Variants in JARID2 observed in about 807,000 individuals in gnomAD.
JARID2 encodes the protein jumonji and AT-rich interaction domain containing 2.
A neutral mutation model predicts 125.6 loss-of-function variants in JARID2; 21 were observed. The observed-to-expected ratio is 0.17, with a 90% CI of 0.12 to 0.24. The LOEUF is 0.24. Ranked by LOEUF, JARID2 falls within the 10% of genes least tolerant of loss-of-function variation. The pLI, the probability that JARID2 is intolerant of heterozygous loss-of-function variation, is 1.00. For missense variants in JARID2, 1,303 were observed against 1,639.6 expected (o/e 0.79, Z 3.55); for synonymous variants, 736 against 661.6 (o/e 1.11, Z -1.73).
At chr6:15,480,114 T>C (rs190903953) in intron 5 of JARID2, among the ~76,000 whole-genome samples, 18 of 152,332 alleles carry the variant, frequency 1.2e-4, no homozygotes, top group Admixed American at 9.8e-4. Context: ...TTGCGGTGGA[T>C]CTCTTTTCCC....
chr6:15,394,916 A>C (rs986619837), intron 2 of JARID2, among the ~76,000 whole-genome samples: 1 of 147,528 alleles, frequency 6.8e-6, no homozygotes. Flanking sequence ...TGCATGGCCC[A>C]GGAAACCGAC....
At chr6:15,444,162 C>G (rs1469223682) in intron 3 of JARID2, among the ~76,000 whole-genome samples, 4 of 152,150 alleles carry the variant, frequency 2.6e-5, no homozygotes, top group Admixed American at 6.5e-5. Flanking sequence ...CGTAGGATAA[C>G]TCTGCTTACA....
intron 1 of JARID2, among the ~76,000 whole-genome samples, chr6:15,315,808 G>A (rs1356895518): frequency 6.6e-6 from 1 of 152,198 alleles, no homozygotes; most frequent in Admixed American, 6.5e-5. Context: ...GTCCTGTAGT[G>A]TGTGCTAACT....
At chr6:15,440,498 G>C (rs1767400107) in intron 3 of JARID2, among the ~76,000 whole-genome samples, 1 of 152,162 alleles carries the variant, frequency 6.6e-6, no homozygotes, top group Admixed American at 6.5e-5. Context: ...CTGAAATATG[G>C]TACCATGTGC....
chr6:15,491,867 G>T (rs1451110040), intron 6 of JARID2, among the ~76,000 whole-genome samples: 1 of 152,108 alleles, frequency 6.6e-6, no homozygotes, highest in African/African-American at 2.4e-5. Context: ...TTTTTAAGAT[G>T]GAATTTCTGT....
At chr6:15,451,036 G>A (rs765051142) in intron 3 of JARID2, among the ~76,000 whole-genome samples, 5 of 152,160 alleles carry the variant, frequency 3.3e-5, no homozygotes, top group Admixed American at 2.6e-4. Context: ...GGTGGTGCAC[G>A]CCTGTAATCC....
chr6:15,394,198 C>T (rs542112579), intron 2 of JARID2, among the ~76,000 whole-genome samples: 37 of 152,208 alleles, frequency 2.4e-4, no homozygotes, highest in African/African-American at 8.9e-4. Context: ...ATGTTAGGTG[C>T]TTTGTATGTA....
rs745910520 is a variant in JARID2 at position 15,413,002 on chromosome 6, G to GTTTTTTTTTTTTTTTTTTTTT, written c.323+2642_323+2643insTTTTTTTTTTTTTTTTTTTTT. On this transcript the variant is annotated intron_variant, in intron 3 of 17. Transcript: ENST00000341776. ...AACATTATACATGGGAAGAGCTTGT[G>GTTTTTTTTTTTTTTTTTTTTT]TTTTTGTTTTTTTTTTTTTTGTTTT... 3.7e-4 allele frequency among the ~76,000 whole-genome samples: 17 copies of GTTTTTTTTTTTTTTTTTTTTT among 46,526 alleles called. 3 individuals carry two copies. Among genetic ancestry groups the GTTTTTTTTTTTTTTTTTTTTT allele is most frequent in the African/African-American group, 9.3e-4 (10 of 10,744 alleles). The allele number at this position is 46,526 out of a possible 152,430, so 30.5% of individuals were successfully genotyped here. A position where few individuals can be genotyped will look rare whatever the true frequency, so the allele number is the denominator to read the frequency against.
chr6:15,468,699 A>G lies in JARID2; in HGVS notation c.651A>G (p.Lys217=), dbSNP rs1768868008. The G allele has an allele frequency of 6.2e-7, 1 of 1,613,374 alleles. No homozygotes were observed. The highest frequency in any genetic ancestry group is 1.7e-4 in the Middle Eastern group (1 of 6,058). Residue 217 remains lysine, a synonymous_variant, in exon 5 of 18, where the codon AAA becomes AAG. Coordinates refer to ENST00000341776, the MANE Select transcript of JARID2 (RefSeq NM_004973.4). The stretch of plus-strand genomic sequence containing the variant: ...CCCCCAGGAAAGGAAAAACCCACAA[A>G]CATGTTCACAACGGGCATGGTAGGT... ...QSTPRKGKTH[K]HVHNGHVFNG...
At chr6:15,279,843 T>TA (rs1328208117) in intron 1 of JARID2, among the ~76,000 whole-genome samples, 14 of 152,224 alleles carry the variant, frequency 9.2e-5, no homozygotes, top group Admixed American at 8.5e-4. Context: ...GACCCTTCAT[T>TA]AAATCAGTCT....
chr6:15,519,755 C>T (rs924273552), intron 17 of JARID2, among the ~76,000 whole-genome samples: 4 of 152,158 alleles, frequency 2.6e-5, no homozygotes, highest in Admixed American at 2.0e-4. Flanking sequence ...CCCTGGGTCT[C>T]TTTGCTGAGT....
intron 17 of JARID2, among the ~76,000 whole-genome samples, chr6:15,518,800 A>G (rs369970358): frequency 1.7e-4 from 26 of 152,256 alleles, no homozygotes; most frequent in African/African-American, 6.0e-4. Context: ...TAAATAGGAA[A>G]TTTCTACCTT....
intron 4 of JARID2, among the ~76,000 whole-genome samples, chr6:15,456,905 A>G (rs1055234411): frequency 4.8e-5 from 5 of 104,906 alleles, no homozygotes; most frequent in African/African-American, 1.7e-4. Context: ...TTTTACAATC[A>G]TAAAAGTAGT....
chr6:15,458,868 C>G (rs188829845), intron 4 of JARID2, among the ~76,000 whole-genome samples: 1 of 152,192 alleles, frequency 6.6e-6, no homozygotes, highest in Non-Finnish European at 1.5e-5. Context: ...GGAGTTAAAG[C>G]AAGAAAGTTA....
intron 1 of JARID2, among the ~76,000 whole-genome samples, chr6:15,272,865 TTTA>T (rs1760350636): frequency 6.6e-6 from 1 of 152,206 alleles, no homozygotes; most frequent in Non-Finnish European, 1.5e-5. Context: ...TATGATTTTG[TTTA>T]TTATTCTTGC....
intron 1 of JARID2, among the ~76,000 whole-genome samples, chr6:15,318,164 C>A (rs1465928992): frequency 6.6e-6 from 1 of 152,132 alleles, no homozygotes; most frequent in Non-Finnish European, 1.5e-5. Context: ...GAATCGAGAA[C>A]CCTGCCACTG....
intron 1 of JARID2, among the ~76,000 whole-genome samples, chr6:15,296,991 C>G (rs1424660559): frequency 6.6e-6 from 1 of 152,206 alleles, no homozygotes; most frequent in African/African-American, 2.4e-5. Flanking sequence ...AGTGTCCCCT[C>G]CTAGTTTGAG....
intron 1 of JARID2, among the ~76,000 whole-genome samples, chr6:15,345,420 C>G (rs1763212273): frequency 6.6e-6 from 1 of 152,128 alleles, no homozygotes; most frequent in African/African-American, 2.4e-5. Context: ...TATTTGTCCT[C>G]TAATTGAAAA....
chr6:15,514,314 C>T (rs1442786235), intron 16 of JARID2, among the ~76,000 whole-genome samples: 1 of 152,250 alleles, frequency 6.6e-6, no homozygotes, highest in East Asian at 1.9e-4. Flanking sequence ...GAGAGCATGC[C>T]CGAAGGGCCT....
Sources: allele counts gnomAD v4.1 joint callset (sites outside exome capture counted in the v4.1 genomes callset), GRCh38; gene constraint gnomAD v4.1.1; transcripts MANE v1.5; gene names NCBI Gene and HGNC (gene_info 2026-07-23, HGNC 2026-07-21).